The following KIF13B variants were observed in gnomAD, a reference collection of about 807,000 sequenced individuals.
KIF13B encodes kinesin family member 13B.
Under a neutral mutation model 222.0 loss-of-function variants are expected in KIF13B, and 127 were observed. The ratio of observed to expected loss-of-function variants is 0.57; its 90% CI spans 0.50 to 0.66. KIF13B has a LOEUF of 0.66. Ranked by LOEUF, KIF13B falls within the 30% of genes least tolerant of loss-of-function variation. The pLI is 0.00. For missense variants in KIF13B, 2,173 were observed against 2,379.0 expected (o/e 0.91, Z 1.80); for synonymous variants, 976 against 919.0 (o/e 1.06, Z -1.12).
intron 35 of KIF13B, among the ~76,000 whole-genome samples, chr8:29,102,543 G>A (rs1437285370): frequency 2.0e-5 from 3 of 152,184 alleles, no homozygotes; most frequent in African/African-American, 7.2e-5. Context: ...TCCGGGGAGG[G>A]CCTGACTTGG....
intron 2 of KIF13B, among the ~76,000 whole-genome samples, chr8:29,197,148 T>G (rs1272056189): frequency 6.6e-6 from 1 of 150,876 alleles, no homozygotes. Flanking sequence ...CCATCCCGGC[T>G]AAAACGGTGA....
chr8:29,094,257 G>A (rs569160599), intron 36 of KIF13B, among the ~76,000 whole-genome samples: 24 of 152,106 alleles, frequency 1.6e-4, no homozygotes, highest in Non-Finnish European at 2.6e-4. Flanking sequence ...ACAGAATTGC[G>A]TTTCAACAGT....
intron 28 of KIF13B, 144 bp from the exon 29 acceptor site, chr8:29,122,790 C>T (rs1051366531): frequency 9.0e-6 from 6 of 664,178 alleles, no homozygotes; most frequent in South Asian, 1.9e-5. Context: ...AATCCAGAAT[C>T]AGAGAGGCCA....
At chr8:29,168,198 T>G (rs920166322) in intron 10 of KIF13B, among the ~76,000 whole-genome samples, 12 of 152,246 alleles carry the variant, frequency 7.9e-5, no homozygotes, top group African/African-American at 2.4e-4. Context: ...ACAGAAGCAC[T>G]TCCACCGTTC....
At chr8:29,153,126 G>T (rs745825719) in intron 14 of KIF13B, among the ~76,000 whole-genome samples, 14 of 152,096 alleles carry the variant, frequency 9.2e-5, no homozygotes, top group Non-Finnish European at 1.9e-4. Flanking sequence ...AGATGCTTAT[G>T]GTATGAAGTA....
At chr8:29,261,721 G>C (rs775941820) in intron 1 of KIF13B, among the ~76,000 whole-genome samples, 29 of 152,154 alleles carry the variant, frequency 1.9e-4, no homozygotes, top group Admixed American at 5.9e-4. Flanking sequence ...AGAACTTAAA[G>C]TAATTAAGTT....
chr8:29,146,664 TG>T, intron 17 of KIF13B, 124 bp from the exon 18 acceptor site: 1 of 825,100 alleles, frequency 1.2e-6, no homozygotes, highest in Admixed American at 2.4e-5. Context: ...CGTGGTCGTC[TG>T]CACGCAGGGA....
chr8:29,241,505 T>C (rs575642221), intron 2 of KIF13B, among the ~76,000 whole-genome samples: 27 of 152,330 alleles, frequency 1.8e-4, no homozygotes, highest in African/African-American at 6.3e-4. Flanking sequence ...TCTTGGGGGA[T>C]TCCCCAGAGC....
chr8:29,085,334 G>A (rs181144805), intron 37 of KIF13B, among the ~76,000 whole-genome samples: 139 of 152,278 alleles, frequency 9.1e-4, no homozygotes, highest in South Asian at 5.8e-3. Flanking sequence ...CTAATGAAAA[G>A]TATTTTTTGA....
At chr8:29,149,772 G>T (rs2130011985) in intron 15 of KIF13B, among the ~76,000 whole-genome samples, 1 of 152,208 alleles carries the variant, frequency 6.6e-6, no homozygotes, top group East Asian at 1.9e-4. Context: ...CTTTAGCCAT[G>T]ACTTTTTTTG....
intron 9 of KIF13B, 139 bp downstream of exon 9, chr8:29,177,327 A>G (rs1812523892): frequency 1.6e-6 from 1 of 634,160 alleles, no homozygotes; most frequent in Non-Finnish European, 2.8e-6. Flanking sequence ...GCATCTCAAC[A>G]AAACCTAAAA....
chr8:29,257,197 G>A (rs769709496), intron 1 of KIF13B, among the ~76,000 whole-genome samples: 3 of 152,146 alleles, frequency 2.0e-5, no homozygotes, highest in Non-Finnish European at 2.9e-5. Context: ...AATGACTAAT[G>A]GATACCATTT....
chr8:29,103,025 G>A (rs1240882518), intron 35 of KIF13B, among the ~76,000 whole-genome samples: 2 of 152,032 alleles, frequency 1.3e-5, no homozygotes, highest in African/African-American at 4.8e-5. Context: ...GGCAGATCAC[G>A]AGGTCAGGAG....
At chr8:29,233,541 C>T (rs1037301566) in intron 2 of KIF13B, among the ~76,000 whole-genome samples, 1 of 152,204 alleles carries the variant, frequency 6.6e-6, no homozygotes. Flanking sequence ...TTTTAATTAA[C>T]CTGTGCTAGC....
chr8:29,123,331 T>TTCAGACCTCACGC (rs778533354), intron 28 of KIF13B, 35 bp downstream of exon 28: 1 of 1,610,060 alleles, frequency 6.2e-7, no homozygotes, highest in Non-Finnish European at 8.5e-7. Flanking sequence ...TTGGTGAGCG[T>TTCAGACCTCACGC]TCAGACCTCA....
chr8:29,263,053 C>G lies in KIF13B; in HGVS notation c.-19G>C, dbSNP rs1310105681. 6.3e-6 allele frequency: 10 copies of G among 1,584,612 alleles called. No homozygotes were observed. Among genetic ancestry groups the G allele is most frequent in the Middle Eastern group, 1.7e-4 (1 of 6,020 alleles). On this transcript the variant is annotated 5_prime_UTR_variant, in exon 1 of 40. Coordinates refer to ENST00000524189, the MANE Select transcript of KIF13B (RefSeq NM_015254.4). ...CCCCCATCCTGCAGCCGCCGAGGAA[C>G]TCGTTCGGCTTCCGTCTGCCGCGGC...
At chr8:29,190,622 AGAG>A (rs1813135376) in intron 4 of KIF13B, 1 of 204,946 alleles carries the variant, frequency 4.9e-6, no homozygotes, top group African/African-American at 2.3e-5. Flanking sequence ...TCAAACCCAA[AGAG>A]GAGGTTGTGG....
At chr8:29,197,350 A>T (rs1388031509) in intron 2 of KIF13B, among the ~76,000 whole-genome samples, 3 of 149,284 alleles carry the variant, frequency 2.0e-5, no homozygotes, top group Admixed American at 6.6e-5. Context: ...AAAAAAAAAA[A>T]AAAAAAAAAA....
intron 10 of KIF13B, among the ~76,000 whole-genome samples, chr8:29,174,175 A>G (rs1812381422): frequency 6.6e-6 from 1 of 152,192 alleles, no homozygotes; most frequent in Non-Finnish European, 1.5e-5. Context: ...GTTATTAACT[A>G]TAGTCCTTAG....
Sources: gnomAD v4.1 joint callset for allele counts (sites outside exome capture counted in the v4.1 genomes callset) on GRCh38, gnomAD v4.1.1 for gene constraint, MANE v1.5 for transcripts, NCBI Gene and HGNC (gene_info 2026-07-23, HGNC 2026-07-21) for gene names.